Variants in ADCY1 observed in about 807,000 individuals in gnomAD.
ADCY1 encodes the protein adenylate cyclase type 1.
A neutral mutation model predicts 105.4 loss-of-function variants in ADCY1; 28 were observed. That is an observed-to-expected ratio of 0.27 (90% CI 0.20 to 0.36). ADCY1 has a LOEUF of 0.36. Ranked by LOEUF, ADCY1 falls within the 10% of genes least tolerant of loss-of-function variation. ADCY1 has a pLI of 1.00. For missense variants in ADCY1, 977 were observed against 1,434.2 expected (o/e 0.68, Z 5.15); for synonymous variants, 655 against 623.8 (o/e 1.05, Z -0.75).
chr7:45,630,920 C>T (rs1014392911), intron 4 of ADCY1, among the ~76,000 whole-genome samples: 1 of 152,068 alleles, frequency 6.6e-6, no homozygotes. Context: ...GAATTTCAGC[C>T]TACCACACAC....
intron 14 of ADCY1, among the ~76,000 whole-genome samples, chr7:45,702,552 G>C (rs79386787): frequency 1.0e-3 from 158 of 152,362 alleles, no homozygotes; most frequent in African/African-American, 3.7e-3. Flanking sequence ...CTCCTTTCAG[G>C]AGTTGGGTTC....
chr7:45,635,599 TTG>T (rs1794379877), intron 4 of ADCY1, among the ~76,000 whole-genome samples: 1 of 143,014 alleles, frequency 7.0e-6, no homozygotes, highest in African/African-American at 2.6e-5. Flanking sequence ...CTAATTTCTC[TTG>T]TTTTTTTTTT....
Position 45,622,729 on chromosome 7 carries a change from G to A in ADCY1, c.1006G>A (p.Asp336Asn), listed in dbSNP as rs1793934723. The A allele has an allele frequency of 6.2e-7, 1 of 1,610,076 alleles. No individual in the cohort carries two copies. Among genetic ancestry groups the A allele is most frequent in the Non-Finnish European group, 8.5e-7 (1 of 1,179,288 alleles). The change falls in exon 4 of 20, where the codon GAT (aspartate) becomes AAT (asparagine). Residue 336 changes from aspartate to asparagine, a missense_variant. Physicochemically the swap from Asp to Asn is conservative, Grantham distance 23. This residue lies in a region of ADCY1 where 196 missense variants were observed against 347.8 expected (regional missense o/e 0.56). Coordinates refer to ENST00000297323, the MANE Select transcript of ADCY1 (RefSeq NM_021116.4). ...KLLNELFGKF[D>N]ELATENHCRR... Reference sequence around the variant, plus strand: ...CCTCAATGAGCTCTTCGGCAAGTTCGATGAATTAGCCACGGTAAGTGCAGC... The same window carrying A: ...CCTCAATGAGCTCTTCGGCAAGTTCAATGAATTAGCCACGGTAAGTGCAGC...
intron 3 of ADCY1, among the ~76,000 whole-genome samples, chr7:45,617,176 G>A (rs1362278793): frequency 2.0e-5 from 3 of 152,232 alleles, no homozygotes; most frequent in Non-Finnish European, 4.4e-5. Context: ...TAGGCATTCA[G>A]GAAATGTGGG....
At chr7:45,632,809 A>T (rs1794294314) in intron 4 of ADCY1, among the ~76,000 whole-genome samples, 1 of 151,862 alleles carries the variant, frequency 6.6e-6, no homozygotes, top group Non-Finnish European at 1.5e-5. Context: ...AGCTCAAGAG[A>T]TACTCTCGCC....
intron 5 of ADCY1, among the ~76,000 whole-genome samples, chr7:45,654,744 C>G (rs573878525): frequency 1.3e-5 from 2 of 152,320 alleles, no homozygotes; most frequent in East Asian, 3.9e-4. Flanking sequence ...AGAGGTGATG[C>G]CTGTGTGCAC....
chr7:45,648,136 A>G (rs1035787730), intron 4 of ADCY1, among the ~76,000 whole-genome samples: 2 of 152,228 alleles, frequency 1.3e-5, no homozygotes, highest in African/African-American at 2.4e-5. Context: ...AGCTTTGGCC[A>G]GTGCCTTCTG....
chr7:45,574,776 C>T lies in ADCY1; in HGVS notation c.233C>T (p.Ala78Val). 1 of 1,489,970 alleles carries T rather than the reference C, an allele frequency of 6.7e-7. No individual in the cohort carries two copies. The highest frequency in any genetic ancestry group is 8.9e-7 in the Non-Finnish European group (1 of 1,126,856). 92.3% of individuals were successfully genotyped at this position (1,489,970 alleles called of 1,614,324 possible). ...CTGCTGGCGGGCGCGCTGGCGCTGG[C>T]CGAGCTGCTGGGCGCGCCGGGGCCC... ...LSLLAGALAL[A>V]ELLGAPGPAP... The change falls in exon 1 of 20, where the codon GCC becomes GTC. Residue 78 changes from alanine (A) to valine (V), a missense_variant. Around this residue, in one of 7 missense-constraint regions of ADCY1, gnomAD observed 209 missense variants for 222.5 expected, o/e 0.94. Transcript: ENST00000297323. This position sits in a 1 kb window ranked among gnomAD's most constrained non-coding sequence, Gnocchi z 7.0.
At chr7:45,625,998 T>C (rs1423618948) in intron 4 of ADCY1, among the ~76,000 whole-genome samples, 1 of 152,174 alleles carries the variant, frequency 6.6e-6, no homozygotes, top group Non-Finnish European at 1.5e-5. Flanking sequence ...AGATTGAGGG[T>C]CAGGGAGAAC....
intron 5 of ADCY1, among the ~76,000 whole-genome samples, chr7:45,653,944 G>A (rs1794876413): frequency 6.6e-6 from 1 of 152,240 alleles, no homozygotes; most frequent in Non-Finnish European, 1.5e-5. Flanking sequence ...GAACCTGCTA[G>A]ATTCTTGGCT....
chr7:45,679,195 G>A (rs1375971920), intron 10 of ADCY1, among the ~76,000 whole-genome samples: 1 of 152,150 alleles, frequency 6.6e-6, no homozygotes, highest in African/African-American at 2.4e-5. Flanking sequence ...AAAGCACATG[G>A]AGGCCACCCC....
At chr7:45,592,388 G>A (rs1206174947) in intron 1 of ADCY1, among the ~76,000 whole-genome samples, 1 of 152,176 alleles carries the variant, frequency 6.6e-6, no homozygotes, top group Non-Finnish European at 1.5e-5. Flanking sequence ...AAGGACACCA[G>A]GCAGATTGGA....
chr7:45,581,303 T>C (rs1236025373), intron 1 of ADCY1, among the ~76,000 whole-genome samples: 5 of 152,224 alleles, frequency 3.3e-5, no homozygotes, highest in Non-Finnish European at 7.3e-5. Context: ...GTCACTTACA[T>C]ACATAGCTGT....
At chr7:45,605,708 G>T (rs1793355567) in intron 2 of ADCY1, among the ~76,000 whole-genome samples, 1 of 152,106 alleles carries the variant, frequency 6.6e-6, no homozygotes, top group South Asian at 2.1e-4. Context: ...TCTTGTAAAA[G>T]ACTTTTATAT....
rs566467549 is a variant in ADCY1, at chr7:45,716,280, C to T, written c.*2285C>T. 6.5e-6 allele frequency: 1 copy of T among 153,120 alleles called. No homozygotes were observed. The highest frequency in any genetic ancestry group is 2.4e-5 in the African/African-American group (1 of 41,606). The allele number at this position is 153,120 out of a possible 1,614,324, so 9.5% of individuals were successfully genotyped here. A position where few individuals can be genotyped will look rare whatever the true frequency, so the allele number is the denominator to read the frequency against. ...CTCATCCTGAGGACCCAGGGTCCAT[C>T]TGAGCTGGCTGTGGGCTGAGATCCT... On this transcript the variant is annotated 3_prime_UTR_variant, in exon 20 of 20. Transcript: ENST00000297323.
intron 14 of ADCY1, among the ~76,000 whole-genome samples, chr7:45,702,372 C>T (rs73102647): frequency 0.15 from 22,370 of 152,254 alleles, 2,123 homozygotes; most frequent in Non-Finnish European, 0.2. Context: ...GCCGGGTCAC[C>T]AGCCACCTAG....
rs559853171 is a variant in ADCY1 at position 45,708,741 on chromosome 7, A to G, written c.2932+277A>G. On this transcript the variant is annotated intron_variant, in intron 18 of 19. Transcript: ENST00000297323. This position sits in a 1 kb window ranked among gnomAD's most constrained non-coding sequence, Gnocchi z 4.7. Reference sequence around the variant, plus strand: ...CTGGAGACGTTCAGATGCTCCTCCAAGTCCACACTTAGCTGAAGTAAAATG... The same window carrying G: ...CTGGAGACGTTCAGATGCTCCTCCAGGTCCACACTTAGCTGAAGTAAAATG... 2.6e-5 allele frequency among the ~76,000 whole-genome samples: 4 copies of G among 152,312 alleles called. No homozygotes were observed. In the South Asian group the frequency reaches 8.3e-4, roughly 32 times the overall value.
At chr7:45,696,135 G>A (rs1384204304) in intron 14 of ADCY1, among the ~76,000 whole-genome samples, 1 of 152,114 alleles carries the variant, frequency 6.6e-6, no homozygotes, top group Non-Finnish European at 1.5e-5. Context: ...CTGTGTGTGT[G>A]CAATGAAAAA....
At chr7:45,658,953 C>T (rs1020215650) in intron 6 of ADCY1, among the ~76,000 whole-genome samples, 4 of 152,226 alleles carry the variant, frequency 2.6e-5, no homozygotes, top group Non-Finnish European at 4.4e-5. Context: ...GGACTGGGCC[C>T]GGGGATCCAA....
Sources: gnomAD v4.1 joint callset for allele counts (sites outside exome capture counted in the v4.1 genomes callset) on GRCh38, gnomAD v4.1.1 for gene constraint, gnomAD v4.1.1 regional missense constraint, Gnocchi (gnomAD v3.1) non-coding constraint, MANE v1.5 for transcripts, NCBI Gene and HGNC (gene_info 2026-07-23, HGNC 2026-07-21) for gene names.